Variants in ZNF273 observed in about 807,000 individuals in gnomAD.
ZNF273 encodes zinc finger protein 273, also known as zinc finger protein 9.
A neutral mutation model predicts 14.9 loss-of-function variants in ZNF273; 11 were observed. That is an observed-to-expected ratio of 0.74 (90% CI 0.46 to 1.22). ZNF273 has a LOEUF of 1.22. Among genes scored for constraint, ZNF273 ranks in the 50% most tolerant of loss-of-function variants. The pLI, the probability that ZNF273 is intolerant of heterozygous loss-of-function variation, is 0.00. For synonymous variants in ZNF273, 199 were observed against 223.9 expected, an observed-to-expected ratio of 0.89 and a Z score of 0.99; for missense variants, 577 against 660.6, an observed-to-expected ratio of 0.87 and a Z score of 1.39.
At chr7:64,903,520 CA>C in intron 1 of ZNF273, 101 bp downstream of exon 1, 1 of 1,201,070 alleles carries the variant, frequency 8.3e-7, no homozygotes, top group South Asian at 1.2e-5. Flanking sequence ...CAGTAGACTC[CA>C]AAATCCGCGG....
At chr7:64,885,505 C>A (rs2129034732) in intron 1 of ZNF273, among the ~76,000 whole-genome samples, 1 of 152,376 alleles carries the variant, frequency 6.6e-6, no homozygotes, top group Non-Finnish European at 1.5e-5. Context: ...TGAGGTCCCA[C>A]TATCTACCCT....
upstream of ZNF273, among the ~76,000 whole-genome samples, chr7:64,898,384 G>A (rs138235639): frequency 2.4e-4 from 37 of 152,252 alleles, no homozygotes; most frequent in East Asian, 7.2e-3. Context: ...CTTCGTTTGA[G>A]TAGTACTCGC....
chr7:64,889,625 G>A, downstream of ZNF273: 1 of 986,096 alleles, frequency 1.0e-6, no homozygotes, highest in Non-Finnish European at 1.2e-6. The surrounding 1 kb of genome is among the most constrained non-coding windows in gnomAD (Gnocchi z 4.2). Context: ...AAAGCAGCGG[G>A]GCTGCTGCTG....
At chr7:64,919,524 T>C (rs1794277501) in intron 3 of ZNF273, among the ~76,000 whole-genome samples, 1 of 152,050 alleles carries the variant, frequency 6.6e-6, no homozygotes, top group East Asian at 1.9e-4. Context: ...CGCCAGCTAC[T>C]TGGGAGGCTG....
chr7:64,904,682 TAATC>T (rs1404331725), intron 1 of ZNF273, among the ~76,000 whole-genome samples: 1 of 152,212 alleles, frequency 6.6e-6, no homozygotes, highest in Non-Finnish European at 1.5e-5. Flanking sequence ...GTATTTTAAT[TAATC>T]ATTTTTTGAC....
chr7:64,919,299 C>T (rs1204545464), intron 3 of ZNF273, among the ~76,000 whole-genome samples: 3 of 152,070 alleles, frequency 2.0e-5, no homozygotes, highest in African/African-American at 7.2e-5. Context: ...AATCCATATA[C>T]GTAAAATATT....
upstream of ZNF273, among the ~76,000 whole-genome samples, chr7:64,900,340 G>T (rs1463117189): frequency 6.6e-6 from 1 of 152,102 alleles, no homozygotes. Context: ...TGCCCAGGCT[G>T]GTTTCAAACT....
At chr7:64,906,515 A>G (rs1210944075) in intron 1 of ZNF273, among the ~76,000 whole-genome samples, 1 of 152,208 alleles carries the variant, frequency 6.6e-6, no homozygotes, top group Non-Finnish European at 1.5e-5. Flanking sequence ...TCAAAAACCA[A>G]GTTAATACCT....
intron 3 of ZNF273, among the ~76,000 whole-genome samples, chr7:64,925,167 T>C (rs1794712801): frequency 6.6e-6 from 1 of 152,090 alleles, no homozygotes; most frequent in South Asian, 2.1e-4. Flanking sequence ...AAGTTAATTA[T>C]ATATATTCAA....
At position 64,916,542 on chromosome 7, in the gene ZNF273, CAAAAAAAAAA is replaced by C. The variant is rs10712527; in HGVS notation, c.103-1025_103-1016del. Among the ~76,000 whole-genome samples, 57 of 84,382 alleles carry C rather than the reference CAAAAAAAAAA, an allele frequency of 6.8e-4. 1 individual carries two copies. The highest frequency in any genetic ancestry group is 6.8e-4 in the East Asian group (2 of 2,936). The allele number at this position is 84,382 out of a possible 152,430, so 55.4% of individuals were successfully genotyped here. ...CCTGGGCAAGGGAGCAAAACTGTCT[CAAAAAAAAAA>C]AAAAAAAAAAAAACCATACACACAA... On this transcript the variant is annotated intron_variant, in intron 1 of 3. Transcript: ENST00000476120.
At chr7:64,916,328 C>T (rs1793981924) in intron 1 of ZNF273, among the ~76,000 whole-genome samples, 1 of 147,348 alleles carries the variant, frequency 6.8e-6, no homozygotes, top group African/African-American at 2.5e-5. Context: ...AGTTCGAGAC[C>T]AGGCTGGCCA....
chr7:64,883,221 CCT>C (rs376150860), downstream of ZNF273, among the ~76,000 whole-genome samples: 6,213 of 147,698 alleles, frequency 0.042, 253 homozygotes, highest in Middle Eastern at 0.079. Context: ...ACCACCCCCC[CCT>C]CACCAAGCAG....
intron 3 of ZNF273, among the ~76,000 whole-genome samples, chr7:64,895,406 A>G (rs935765156): frequency 2.0e-5 from 3 of 152,304 alleles, no homozygotes; most frequent in East Asian, 1.9e-4. Context: ...ATATTGTTTC[A>G]GGGATTTAGA....
chr7:64,899,300 G>T (rs1792543120), upstream of ZNF273, among the ~76,000 whole-genome samples: 1 of 152,184 alleles, frequency 6.6e-6, no homozygotes, highest in South Asian at 2.1e-4. Flanking sequence ...TTAAAATGTT[G>T]TCTTTGTTAC....
At chr7:64,907,533 C>G (rs979103302) in intron 1 of ZNF273, among the ~76,000 whole-genome samples, 7 of 152,068 alleles carry the variant, frequency 4.6e-5, no homozygotes, top group Non-Finnish European at 1.0e-4. Flanking sequence ...AACAGTAACC[C>G]CAGTGTATAG....
chr7:64,933,378 C>G (rs543470293), downstream of ZNF273: 1 of 152,320 alleles, frequency 6.6e-6, no homozygotes, highest in South Asian at 2.1e-4. Flanking sequence ...CTCTGGAAAA[C>G]TTTTGGAGAT....
chr7:64,887,434 G>A (rs1791658657), intron 1 of ZNF273, among the ~76,000 whole-genome samples: 1 of 152,228 alleles, frequency 6.6e-6, no homozygotes, highest in Non-Finnish European at 1.5e-5. Context: ...GTAGTTTGGA[G>A]TGAGTGGAGA....
At chr7:64,910,117 G>T (rs140437286) in intron 1 of ZNF273, among the ~76,000 whole-genome samples, 1 of 152,054 alleles carries the variant, frequency 6.6e-6, no homozygotes, top group African/African-American at 2.4e-5. Context: ...CTATTGTTCT[G>T]TAGGTTGTCT....
At chr7:64,919,846 A>G (rs1479754328) in intron 3 of ZNF273, among the ~76,000 whole-genome samples, 8 of 151,470 alleles carry the variant, frequency 5.3e-5, no homozygotes, top group Non-Finnish European at 8.8e-5. Context: ...AAAAGATAAG[A>G]TCATGTGATC....
Sources: allele counts gnomAD v4.1 joint callset (sites outside exome capture counted in the v4.1 genomes callset), GRCh38; gene constraint gnomAD v4.1.1; non-coding constraint Gnocchi (gnomAD v3.1); transcripts MANE v1.5; gene names NCBI Gene and HGNC (gene_info 2026-07-23, HGNC 2026-07-21).